SPATS2: variants seen among roughly 807,000 people sequenced by gnomAD.
SPATS2 encodes spermatogenesis-associated serine-rich protein 2.
A neutral mutation model predicts 63.7 loss-of-function variants in SPATS2; 38 were observed. That is an observed-to-expected ratio of 0.60 (90% CI 0.46 to 0.78). The LOEUF (loss-of-function observed/expected upper bound fraction) is 0.78, where lower values mean the gene tolerates loss of function less well. SPATS2 is among the 30% of genes least tolerant of loss of function. The pLI, the probability that SPATS2 is intolerant of heterozygous loss-of-function variation, is 0.00. For missense variants in SPATS2, 588 were observed against 666.2 expected (o/e 0.88, Z 1.29); for synonymous variants, 207 against 232.9 (o/e 0.89, Z 1.01).
upstream of SPATS2, chr12:49,367,180 C>A (rs1592329505): frequency 5.8e-6 from 1 of 171,420 alleles, no homozygotes; most frequent in Non-Finnish European, 1.2e-5. Context: ...GGCCGTCTCG[C>A]CGCTCGAGCC....
chr12:49,383,387 A>G (rs1487417621), intron 2 of SPATS2, among the ~76,000 whole-genome samples: 1 of 151,482 alleles, frequency 6.6e-6, no homozygotes, highest in Non-Finnish European at 1.5e-5. Context: ...GTGTCTTGGA[A>G]ATTTTTTTAT....
intron 5 of SPATS2, 41 bp downstream of exon 5, chr12:49,489,614 C>A (rs983082033): frequency 1.3e-6 from 2 of 1,543,594 alleles, no homozygotes; most frequent in African/African-American, 1.4e-5. Context: ...TATATTTGCT[C>A]AAATAGAATT....
chr12:49,475,151 C>G (rs1353840001), intron 3 of SPATS2, among the ~76,000 whole-genome samples: 1 of 152,048 alleles, frequency 6.6e-6, no homozygotes, highest in Non-Finnish European at 1.5e-5. Context: ...GAATAAGCTG[C>G]CTTTACTTGC....
At chr12:49,514,818 C>G (rs1320640792) in intron 10 of SPATS2, among the ~76,000 whole-genome samples, 2 of 152,110 alleles carry the variant, frequency 1.3e-5, no homozygotes, top group African/African-American at 4.8e-5. Context: ...ATTTCCAAAT[C>G]TTAATATTTT....
Position 49,494,913 on chromosome 12 carries a change from C to G in SPATS2, c.437C>G (p.Ser146Ter). The G allele has an allele frequency of 6.2e-7, 1 of 1,613,972 alleles. No homozygotes were observed. The highest frequency in any genetic ancestry group is 8.5e-7 in the Non-Finnish European group (1 of 1,179,978). ...GAINDTESVDSLSEGLETLSI... is the reference protein window; with the variant it reads ...GAINDTESVD ...ATCAATGACACTGAGTCTGTGGACT[C>G]ACTCAGTGAAGGTTTGGAGACACTT... Residue 146 changes from serine (S) to a stop codon, truncating the protein, a stop_gained, in exon 7 of 14, where the codon TCA becomes TGA. Coordinates refer to ENST00000552918, the MANE Select transcript of SPATS2 (RefSeq NM_023071.4). LOFTEE classifies it high-confidence loss of function.
intron 9 of SPATS2, chr12:49,512,769 C>A: frequency 1.3e-6 from 1 of 774,994 alleles, no homozygotes. Context: ...ACAGCGTCTG[C>A]ATCTTAAGGT....
chr12:49,389,157 C>T (rs1394444538), intron 2 of SPATS2, among the ~76,000 whole-genome samples: 2 of 152,194 alleles, frequency 1.3e-5, no homozygotes, highest in Non-Finnish European at 2.9e-5. Flanking sequence ...TCAGGAACCT[C>T]AGAATGCTTT....
At chr12:49,463,972 T>G (rs967435966) in intron 3 of SPATS2, among the ~76,000 whole-genome samples, 1 of 152,202 alleles carries the variant, frequency 6.6e-6, no homozygotes, top group African/African-American at 2.4e-5. Context: ...GTCAGAGCTG[T>G]GCTTCTTAGA....
At chr12:49,503,971 C>T (rs1946613169) in intron 9 of SPATS2, among the ~76,000 whole-genome samples, 1 of 152,156 alleles carries the variant, frequency 6.6e-6, no homozygotes, top group Non-Finnish European at 1.5e-5. Flanking sequence ...GATTACCTGC[C>T]CTTTCCTGCT....
chr12:49,408,127 G>A (rs948146453), intron 2 of SPATS2, among the ~76,000 whole-genome samples: 16 of 152,124 alleles, frequency 1.1e-4, no homozygotes, highest in Non-Finnish European at 1.9e-4. Context: ...GATAATTTGG[G>A]AATATGTCAG....
chr12:49,467,629 A>G (rs550876460), intron 3 of SPATS2, among the ~76,000 whole-genome samples: 6 of 152,308 alleles, frequency 3.9e-5, no homozygotes, highest in East Asian at 1.9e-4. Flanking sequence ...ATCTGACTAT[A>G]TATCAGAATC....
intron 10 of SPATS2, 92 bp from the exon 11 acceptor site, chr12:49,518,981 T>A: frequency 1.0e-6 from 1 of 986,190 alleles, no homozygotes; most frequent in Non-Finnish European, 1.5e-6. Context: ...AGCCTTTGGC[T>A]GACCAAATAC....
intron 2 of SPATS2, among the ~76,000 whole-genome samples, chr12:49,425,666 G>C (rs923646309): frequency 2.6e-5 from 4 of 151,568 alleles, no homozygotes; most frequent in African/African-American, 9.7e-5. Flanking sequence ...AGTCTTCTCT[G>C]TTGCCCAGGC....
intron 2 of SPATS2, among the ~76,000 whole-genome samples, chr12:49,378,831 G>A (rs1350890201): frequency 5.3e-5 from 8 of 150,648 alleles, no homozygotes. Context: ...CCTAGGCTCA[G>A]CTATCCTCTG....
chr12:49,375,196 G>A (rs1437711643), intron 2 of SPATS2, among the ~76,000 whole-genome samples: 4 of 138,406 alleles, frequency 2.9e-5, no homozygotes, highest in African/African-American at 5.4e-5. Context: ...GTGTGTGTGT[G>A]GTGGTAGTGG....
chr12:49,390,294 A>G (rs573271505), intron 2 of SPATS2: 13 of 463,966 alleles, frequency 2.8e-5, no homozygotes, highest in Admixed American at 1.7e-4. Flanking sequence ...GCTATGAGAT[A>G]GCAACAAAAA....
chr12:49,401,949 G>C (rs1944612418), intron 2 of SPATS2, among the ~76,000 whole-genome samples: 1 of 151,706 alleles, frequency 6.6e-6, no homozygotes, highest in Middle Eastern at 3.5e-3. Flanking sequence ...CCACCTGCCT[G>C]GCCTAGTTTT....
At chr12:49,470,902 CAAGGGA>C (rs1946023824) in intron 3 of SPATS2, among the ~76,000 whole-genome samples, 1 of 152,188 alleles carries the variant, frequency 6.6e-6, no homozygotes, top group African/African-American at 2.4e-5. Flanking sequence ...TTTGTAGCTT[CAAGGGA>C]ATAAAGAACA....
At position 49,431,913 on chromosome 12, in the gene SPATS2, T is replaced by A. The variant is rs1001282587; in HGVS notation, c.-243-28857T>A. On this transcript the variant is annotated intron_variant, in intron 2 of 13. Coordinates refer to ENST00000552918, the MANE Select transcript of SPATS2 (RefSeq NM_023071.4). ...TAGGTGTGGTAGTGTGCACCTGTAG[T>A]CCCAGCTACTCGGGAGGATCGTTTG... Among the ~76,000 whole-genome samples, 9 of 152,224 alleles carry A rather than the reference T, an allele frequency of 5.9e-5. No individual in the cohort carries two copies. The East Asian group carries it at 9.7e-4, about 16-fold the overall frequency.
Sources: gnomAD v4.1 joint callset for allele counts (sites outside exome capture counted in the v4.1 genomes callset) on GRCh38, gnomAD v4.1.1 for gene constraint, MANE v1.5 for transcripts, NCBI Gene and HGNC (gene_info 2026-07-23, HGNC 2026-07-21) for gene names.